Variants in CDK15 observed in about 807,000 individuals in gnomAD.
CDK15 encodes cyclin dependent kinase 15.
CDK15 carries 62 observed loss-of-function variants against 60.3 expected under a neutral mutation model. The observed-to-expected ratio is 1.03, with a 90% CI of 0.84 to 1.27. The LOEUF is 1.27. Among genes scored for constraint, CDK15 ranks in the 50% most tolerant of loss-of-function variants. The pLI is 0.00. For missense variants in CDK15, 541 were observed against 527.8 expected, an observed-to-expected ratio of 1.03 and a Z score of -0.25; for synonymous variants, 194 against 195.7, an observed-to-expected ratio of 0.99 and a Z score of 0.07.
At chr2:201,864,467 G>A (rs758899633) in intron 10 of CDK15, among the ~76,000 whole-genome samples, 1 of 152,124 alleles carries the variant, frequency 6.6e-6, no homozygotes, top group Non-Finnish European at 1.5e-5. Context: ...ACAGGTGTGC[G>A]GCCCCATGCC....
At chr2:201,875,594 G>T (rs1699046556) in intron 11 of CDK15, among the ~76,000 whole-genome samples, 1 of 152,142 alleles carries the variant, frequency 6.6e-6, no homozygotes, top group East Asian at 1.9e-4. Context: ...TGTAAATTAT[G>T]ATATGCCTAC....
At chr2:201,842,358 C>T (rs1697429823) in intron 8 of CDK15, among the ~76,000 whole-genome samples, 1 of 152,106 alleles carries the variant, frequency 6.6e-6, no homozygotes, top group South Asian at 2.1e-4. Flanking sequence ...GTCATCTATT[C>T]AGTATCAGTT....
chr2:201,875,511 G>C (rs759763310), intron 11 of CDK15, among the ~76,000 whole-genome samples: 1 of 152,142 alleles, frequency 6.6e-6, no homozygotes, highest in Non-Finnish European at 1.5e-5. Context: ...GAGAATATTT[G>C]TTACAGCGTG....
chr2:201,875,042 G>GACCCCTGAGAACCCCTGAGA (rs1699023498), intron 11 of CDK15, among the ~76,000 whole-genome samples: 1 of 152,230 alleles, frequency 6.6e-6, no homozygotes, highest in East Asian at 1.9e-4. Flanking sequence ...TGCTGTCCCA[G>GACCCCTGAGAACCCCTGAGA]ACCCCTGAGA....
chr2:201,854,122 C>T (rs564999846), intron 9 of CDK15, among the ~76,000 whole-genome samples: 10 of 151,894 alleles, frequency 6.6e-5, no homozygotes, highest in Non-Finnish European at 1.3e-4. Flanking sequence ...TGCAGTGAGC[C>T]GAGATCGCAT....
chr2:201,828,283 T>C (rs1315831784), intron 6 of CDK15, among the ~76,000 whole-genome samples: 1 of 119,976 alleles, frequency 8.3e-6, no homozygotes, highest in Non-Finnish European at 1.9e-5. Flanking sequence ...CTGAGGGTCA[T>C]CAGCACATAG....
intron 10 of CDK15, among the ~76,000 whole-genome samples, chr2:201,868,363 C>T (rs750783179): frequency 3.9e-5 from 6 of 152,150 alleles, no homozygotes; most frequent in Non-Finnish European, 7.4e-5. Context: ...CAATATCTTC[C>T]GGTCACACAG....
At chr2:201,858,980 GC>G (rs1281803464) in intron 10 of CDK15, among the ~76,000 whole-genome samples, 1 of 152,030 alleles carries the variant, frequency 6.6e-6, no homozygotes, top group Non-Finnish European at 1.5e-5. Flanking sequence ...TAACTGAGGC[GC>G]CCGTGATTGG....
At chr2:201,893,095 C>T (rs1699687752) in intron 13 of CDK15, among the ~76,000 whole-genome samples, 1 of 152,142 alleles carries the variant, frequency 6.6e-6, no homozygotes, top group African/African-American at 2.4e-5. Flanking sequence ...TTATAGAAGC[C>T]ATCTGGAGAT....
At chr2:201,845,834 TAA>T (rs762600745) in intron 8 of CDK15, among the ~76,000 whole-genome samples, 4,824 of 142,958 alleles carry the variant, frequency 0.034, 260 homozygotes, top group African/African-American at 0.11. Flanking sequence ...GGTTTGCGGT[TAA>T]AAAAAAAAAA....
chr2:201,861,472 A>G, intron 10 of CDK15: 1 of 983,416 alleles, frequency 1.0e-6, no homozygotes, highest in South Asian at 4.7e-5. Context: ...AATAAATTAT[A>G]TTGAATTGCA....
intron 7 of CDK15, among the ~76,000 whole-genome samples, chr2:201,834,445 C>T (rs1696918618): frequency 6.6e-6 from 1 of 152,182 alleles, no homozygotes; most frequent in South Asian, 2.1e-4. Flanking sequence ...GTTTTATTCC[C>T]ATTAAAGTGA....
At chr2:201,811,588 T>C (rs1439796054) in intron 3 of CDK15, among the ~76,000 whole-genome samples, 1 of 152,212 alleles carries the variant, frequency 6.6e-6, no homozygotes, top group Non-Finnish European at 1.5e-5. Context: ...TATACCTGCA[T>C]TAAAATCTTC....
chr2:201,820,051 C>T lies in CDK15; in HGVS notation c.449-2758C>T, dbSNP rs141228507. 5.2e-4 allele frequency among the ~76,000 whole-genome samples: 79 copies of T among 152,256 alleles called. 1 individual carries two copies. The East Asian group carries it at 0.014, about 28-fold the overall frequency. ...CATGCCATCATGATTTAAAAAGAAG[C>T]ATCTGGAGTTTTAGTAATATAGTTA... is the stretch of plus-strand genomic sequence containing the variant. On this transcript the variant is annotated intron_variant, in intron 4 of 13. Transcript: ENST00000652192.
intron 4 of CDK15, among the ~76,000 whole-genome samples, chr2:201,815,610 G>A (rs1345849220): frequency 6.6e-6 from 1 of 152,120 alleles, no homozygotes; most frequent in Non-Finnish European, 1.5e-5. Flanking sequence ...AATGTGTTAT[G>A]TTTTTACATA....
chr2:201,826,189 A>G (rs6743410), intron 6 of CDK15, among the ~76,000 whole-genome samples: 139,325 of 152,220 alleles, frequency 0.92, 64,208 homozygotes, highest in East Asian at 1. Context: ...GGCCGGGCGC[A>G]GTGGCTCACG....
intron 3 of CDK15, 82 bp from the exon 4 acceptor site, chr2:201,812,401 G>A: frequency 1.3e-6 from 1 of 793,248 alleles, no homozygotes; most frequent in Non-Finnish European, 2.2e-6. Flanking sequence ...AAGTGAAAGT[G>A]CTTTTGTTAA....
intron 12 of CDK15, chr2:201,888,343 T>G: frequency 7.0e-7 from 1 of 1,431,846 alleles, no homozygotes; most frequent in South Asian, 1.5e-5. Context: ...CGAAATGATC[T>G]AAATACATAA....
In CDK15 at chr2:201,872,343, GAAGGGATCTTT is replaced by G. The variant is rs140412753; in HGVS notation, c.1058+32_1058+42del. The G allele has an allele frequency of 4.7e-5, 75 of 1,580,108 alleles. No homozygotes were observed. Among genetic ancestry groups the G allele is most frequent in the Non-Finnish European group, 5.9e-5 (69 of 1,161,910 alleles). ...CTGGAACAGGTGAGTACTACCTCAG[GAAGGGATCTTT>G]AAGGGATCTTTAAGCAGGATTGGAG... On this transcript the variant is annotated intron_variant, in intron 11 of 13. Coordinates refer to ENST00000652192, the MANE Select transcript of CDK15 (RefSeq NM_001366386.2).
Sources: allele counts gnomAD v4.1 joint callset (sites outside exome capture counted in the v4.1 genomes callset), GRCh38; gene constraint gnomAD v4.1.1; transcripts MANE v1.5; gene names NCBI Gene and HGNC (gene_info 2026-07-23, HGNC 2026-07-21).